Variants in KAZN observed in about 807,000 individuals in gnomAD.
KAZN encodes the protein kazrin.
In KAZN, 40 loss-of-function variants were observed where a neutral mutation model predicts 87.4. That is an observed-to-expected ratio of 0.46 (90% CI 0.36 to 0.60). The LOEUF is 0.60. Ranked by LOEUF, KAZN falls within the 20% of genes least tolerant of loss-of-function variation. The probability of loss-of-function intolerance (pLI) is 0.00; values close to 1 mark genes in which losing one functional copy is unlikely to be tolerated. For missense variants in KAZN, 898 were observed against 1,073.9 expected, an observed-to-expected ratio of 0.84 and a Z score of 2.29; for synonymous variants, 466 against 458.3, an observed-to-expected ratio of 1.02 and a Z score of -0.22.
intron 2 of KAZN, among the ~76,000 whole-genome samples, chr1:14,558,128 T>C (rs1185089713): frequency 1.3e-5 from 2 of 152,200 alleles, no homozygotes; most frequent in Admixed American, 6.5e-5. Flanking sequence ...ATTAAAACAA[T>C]GCCAGCCTCC....
At chr1:15,043,568 G>A (rs572043913) in intron 3 of KAZN, among the ~76,000 whole-genome samples, 11 of 150,584 alleles carry the variant, frequency 7.3e-5, no homozygotes, top group African/African-American at 2.0e-4. Context: ...GCTGGAGTTC[G>A]TGCCCACGGC....
chr1:14,230,843 T>C lies in KAZN; in HGVS notation c.249+50251T>C, dbSNP rs965785320. ...ACATTGCATTTGCATTTATATGTAGTCACGAGACAGTTCAGTTTAGTGTTA... is the reference window on the plus strand; with the variant it reads ...ACATTGCATTTGCATTTATATGTAGCCACGAGACAGTTCAGTTTAGTGTTA... On this transcript the variant is annotated intron_variant, in intron 2 of 16. Transcript: ENST00000636203. 3.3e-5 allele frequency among the ~76,000 whole-genome samples: 5 copies of C among 152,272 alleles called. No individual in the cohort carries two copies. The East Asian group carries it at 9.7e-4, about 29-fold the overall frequency.
intron 2 of KAZN, among the ~76,000 whole-genome samples, chr1:14,444,021 C>T (rs922839341): frequency 2.0e-5 from 3 of 152,112 alleles, no homozygotes; most frequent in Non-Finnish European, 2.9e-5. Context: ...ATCTGGCCAC[C>T]TCAACTCCTG....
chr1:14,191,674 A>G (rs1272722169), intron 2 of KAZN, among the ~76,000 whole-genome samples: 1 of 152,128 alleles, frequency 6.6e-6, no homozygotes, highest in African/African-American at 2.4e-5. Context: ...TAATTTAACT[A>G]GAAAGGACTT....
intron 2 of KAZN, among the ~76,000 whole-genome samples, chr1:14,314,849 TCC>T (rs1655546041): frequency 6.6e-6 from 1 of 152,074 alleles, no homozygotes; most frequent in Non-Finnish European, 1.5e-5. Context: ...TTCTCCCCAG[TCC>T]CTGGAAACCA....
chr1:14,726,962 T>C (rs1302702883), intron 1 of KAZN, among the ~76,000 whole-genome samples: 1 of 152,220 alleles, frequency 6.6e-6, no homozygotes, highest in Non-Finnish European at 1.5e-5. Context: ...TCTGTGGTGA[T>C]GCCAACACTC....
intron 2 of KAZN, among the ~76,000 whole-genome samples, chr1:14,293,553 C>T (rs1274130190): frequency 1.3e-5 from 2 of 152,090 alleles, no homozygotes; most frequent in Admixed American, 6.6e-5. Flanking sequence ...TGTGCCTTTC[C>T]TTCTTTGTGA....
intron 1 of KAZN, among the ~76,000 whole-genome samples, chr1:14,781,974 G>A (rs1407465372): frequency 6.6e-6 from 1 of 152,112 alleles, no homozygotes; most frequent in East Asian, 1.9e-4. Flanking sequence ...CTGTGTCTTT[G>A]GACAAGTTCT....
chr1:14,361,629 CATA>C, intron 2 of KAZN, among the ~76,000 whole-genome samples: 1 of 152,252 alleles, frequency 6.6e-6, no homozygotes, highest in Non-Finnish European at 1.5e-5. Flanking sequence ...ATGGGAAAAG[CATA>C]ATATCTGGGC....
At chr1:14,430,232 C>A (rs906313547) in intron 2 of KAZN, among the ~76,000 whole-genome samples, 10 of 137,566 alleles carry the variant, frequency 7.3e-5, no homozygotes, top group African/African-American at 2.2e-4. Flanking sequence ...AAAAAAAAAA[C>A]TCTTTATCTT....
intron 2 of KAZN, among the ~76,000 whole-genome samples, chr1:14,471,847 T>G (rs1237603656): frequency 6.6e-6 from 1 of 152,214 alleles, no homozygotes; most frequent in Non-Finnish European, 1.5e-5. Flanking sequence ...CTGCTTAACT[T>G]AGGTCTAAAG....
At chr1:14,093,630 T>G (rs987604493) in intron 1 of KAZN, among the ~76,000 whole-genome samples, 1 of 151,972 alleles carries the variant, frequency 6.6e-6, no homozygotes, top group African/African-American at 2.4e-5. Flanking sequence ...AAACTTGCCT[T>G]CTGAGTATTT....
chr1:14,438,448 C>T (rs1041908828), intron 2 of KAZN, among the ~76,000 whole-genome samples: 2 of 152,156 alleles, frequency 1.3e-5, no homozygotes, highest in South Asian at 4.1e-4. Context: ...GGGAACGGGG[C>T]CGGCCAGGAA....
chr1:14,571,993 G>A (rs920222491), intron 2 of KAZN, among the ~76,000 whole-genome samples: 5 of 152,170 alleles, frequency 3.3e-5, no homozygotes, highest in Non-Finnish European at 7.4e-5. Context: ...AACCTCTGGG[G>A]AAGCCCCGCT....
chr1:14,731,892 C>T (rs538591304), intron 1 of KAZN, among the ~76,000 whole-genome samples: 2 of 152,294 alleles, frequency 1.3e-5, no homozygotes, highest in Admixed American at 6.5e-5. Flanking sequence ...GGGAGCGTTC[C>T]GTGAGATCAC....
chr1:13,936,441 G>A (rs1411637810), intron 1 of KAZN, among the ~76,000 whole-genome samples: 1 of 151,970 alleles, frequency 6.6e-6, no homozygotes, highest in Non-Finnish European at 1.5e-5. Flanking sequence ...TTGTGTAGTG[G>A]TAAAGTCTGA....
At chr1:14,309,423 G>T (rs936284363) in intron 2 of KAZN, among the ~76,000 whole-genome samples, 3 of 152,232 alleles carry the variant, frequency 2.0e-5, no homozygotes, top group Non-Finnish European at 4.4e-5. Context: ...TGTCCAGCGT[G>T]AAGTGACCAG....
chr1:14,130,665 CCTT>C (rs1187293907), intron 1 of KAZN, among the ~76,000 whole-genome samples: 3 of 152,046 alleles, frequency 2.0e-5, no homozygotes, highest in Non-Finnish European at 4.4e-5. Context: ...AGCTGTGAAT[CCTT>C]CTTGCTGCCT....
At chr1:15,013,514 G>A (rs1669786680) in intron 2 of KAZN, among the ~76,000 whole-genome samples, 1 of 152,184 alleles carries the variant, frequency 6.6e-6, no homozygotes, top group Non-Finnish European at 1.5e-5. Flanking sequence ...AGCGCTTTGG[G>A]AGGCCAAAGT....
Sources: gnomAD v4.1 joint callset for allele counts (sites outside exome capture counted in the v4.1 genomes callset) on GRCh38, gnomAD v4.1.1 for gene constraint, MANE v1.5 for transcripts, NCBI Gene and HGNC (gene_info 2026-07-23, HGNC 2026-07-21) for gene names.